Variants in ZFAND3 observed in about 807,000 individuals in gnomAD.
ZFAND3 encodes the protein zinc finger AN1-type containing 3, also known as AN1-type zinc finger protein 3.
Under a neutral mutation model 29.6 loss-of-function variants are expected in ZFAND3, and 10 were observed. That is an observed-to-expected ratio of 0.34 (90% CI 0.21 to 0.57). The LOEUF is 0.57. Among genes scored for constraint, ZFAND3 ranks in the 20% least tolerant of loss-of-function variants. The probability of loss-of-function intolerance (pLI) is 0.86; values close to 1 mark genes in which losing one functional copy is unlikely to be tolerated. For missense variants in ZFAND3, 230 were observed against 304.5 expected (o/e 0.76, Z 1.82); for synonymous variants, 128 against 112.6 (o/e 1.14, Z -0.87).
intron 5 of ZFAND3, among the ~76,000 whole-genome samples, chr6:38,140,038 G>A (rs975085360): frequency 6.6e-6 from 1 of 152,216 alleles, no homozygotes; most frequent in African/African-American, 2.4e-5. Context: ...CCAGGTTTGT[G>A]TCATGAGCCA....
intron 2 of ZFAND3, among the ~76,000 whole-genome samples, chr6:37,944,642 C>T (rs764133913): frequency 3.9e-5 from 6 of 152,158 alleles, no homozygotes; most frequent in Non-Finnish European, 7.3e-5. Flanking sequence ...GCGTATATCA[C>T]GTGGAGAAAG....
chr6:38,128,335 A>G (rs1017560589), intron 5 of ZFAND3, among the ~76,000 whole-genome samples: 1 of 152,184 alleles, frequency 6.6e-6, no homozygotes, highest in African/African-American at 2.4e-5. Flanking sequence ...CCCCTCTTTT[A>G]AAATTTTTAT....
chr6:38,082,434 C>A lies in ZFAND3; in HGVS notation c.338C>A (p.Pro113Gln). 1 of 1,611,980 alleles carries A rather than the reference C, an allele frequency of 6.2e-7. No individual in the cohort carries two copies. Among genetic ancestry groups the A allele is most frequent in the Non-Finnish European group, 8.5e-7 (1 of 1,178,814 alleles). ...TDTAHVSLIT[P>Q]TKRSCGTDSQ... Reference sequence around the variant, plus strand: ...ACAGCTCATGTCTCATTAATCACACCAACAAAAAGATCCTGTGGTACAGGT... The same window carrying A: ...ACAGCTCATGTCTCATTAATCACACAAACAAAAAGATCCTGTGGTACAGGT... The change falls in exon 4 of 6, where the codon CCA becomes CAA. Residue 113 changes from proline (P) to glutamine (Q), a missense_variant. Pro to Gln is a moderately conservative substitution (Grantham distance 76). This residue lies in a region of ZFAND3 where 180 missense variants were observed against 202.5 expected (regional missense o/e 0.89). Transcript: ENST00000287218.
At chr6:37,888,422 C>T (rs1194872911) in intron 1 of ZFAND3, among the ~76,000 whole-genome samples, 2 of 152,218 alleles carry the variant, frequency 1.3e-5, no homozygotes, top group East Asian at 3.9e-4. Flanking sequence ...ATGGCATTAT[C>T]AATAGGAATA....
At chr6:37,826,570 A>G (rs1402543195) in intron 1 of ZFAND3, among the ~76,000 whole-genome samples, 3 of 152,114 alleles carry the variant, frequency 2.0e-5, no homozygotes, top group Non-Finnish European at 2.9e-5. Flanking sequence ...CCTGAACAAC[A>G]TGGTGAAACT....
intron 1 of ZFAND3, among the ~76,000 whole-genome samples, chr6:37,831,298 T>C (rs1309795231): frequency 1.3e-5 from 2 of 152,194 alleles, no homozygotes; most frequent in Non-Finnish European, 2.9e-5. Context: ...TCTTACCTCA[T>C]ATGGGAAATT....
At chr6:37,916,287 T>C (rs940451336) in intron 1 of ZFAND3, among the ~76,000 whole-genome samples, 10 of 152,198 alleles carry the variant, frequency 6.6e-5, no homozygotes, top group African/African-American at 2.2e-4. Flanking sequence ...AAAGACTTGC[T>C]CAATGCAGGG....
intron 1 of ZFAND3, among the ~76,000 whole-genome samples, chr6:37,884,793 A>G (rs1174262968): frequency 6.6e-6 from 1 of 152,086 alleles, no homozygotes; most frequent in Non-Finnish European, 1.5e-5. Flanking sequence ...TTATCAGTGG[A>G]TTCCTCAAGT....
intron 2 of ZFAND3, among the ~76,000 whole-genome samples, chr6:38,022,688 T>C (rs1763373538): frequency 6.6e-6 from 1 of 152,250 alleles, no homozygotes; most frequent in Non-Finnish European, 1.5e-5. Flanking sequence ...CAGACTTGAT[T>C]TTGTTTGAGT....
chr6:38,100,932 A>C (rs1385832204), intron 4 of ZFAND3, among the ~76,000 whole-genome samples: 1 of 152,246 alleles, frequency 6.6e-6, no homozygotes, highest in Non-Finnish European at 1.5e-5. Context: ...AATCGCAGAC[A>C]TGACACCCTT....
intron 2 of ZFAND3, among the ~76,000 whole-genome samples, chr6:37,959,107 A>G (rs995021120): frequency 2.6e-5 from 4 of 152,206 alleles, no homozygotes; most frequent in Non-Finnish European, 4.4e-5. Context: ...GAGGTGTGGT[A>G]TTCTCGGCAG....
At chr6:38,098,233 G>A (rs1178375781) in intron 4 of ZFAND3, among the ~76,000 whole-genome samples, 3 of 152,022 alleles carry the variant, frequency 2.0e-5, no homozygotes, top group Admixed American at 2.0e-4. Flanking sequence ...TGCAATCCCT[G>A]CCTCTTGGGT....
intron 2 of ZFAND3, among the ~76,000 whole-genome samples, chr6:37,985,527 A>ACACACACACCCC (rs753070737): frequency 1.8e-4 from 26 of 141,760 alleles, no homozygotes; most frequent in Non-Finnish European, 3.2e-4. Context: ...ACACACACAC[A>ACACACACACCCC]CCCCCACACA....
chr6:38,103,482 C>CGTGTATATAT (rs770822839), intron 4 of ZFAND3, among the ~76,000 whole-genome samples: 3 of 24,414 alleles, frequency 1.2e-4, no homozygotes, highest in Non-Finnish European at 2.3e-4. Flanking sequence ...TATATATACA[C>CGTGTATATAT]ACATATATAC....
At chr6:37,868,196 G>GCATCTTTT (rs1370252444) in intron 1 of ZFAND3, among the ~76,000 whole-genome samples, 1 of 152,158 alleles carries the variant, frequency 6.6e-6, no homozygotes, top group African/African-American at 2.4e-5. Context: ...ATGATGATAT[G>GCATCTTTT]GTTTTTCTTC....
chr6:37,829,878 A>G (rs936164479), intron 1 of ZFAND3, among the ~76,000 whole-genome samples: 4 of 152,198 alleles, frequency 2.6e-5, no homozygotes, highest in Non-Finnish European at 5.9e-5. Context: ...GACAGATAAA[A>G]TCTTGAGTGA....
intron 2 of ZFAND3, among the ~76,000 whole-genome samples, chr6:38,040,152 C>T (rs925957829): frequency 1.3e-5 from 2 of 152,010 alleles, no homozygotes; most frequent in African/African-American, 4.8e-5. Flanking sequence ...ATGTAGATAC[C>T]TGCCTCAGCT....
At chr6:38,047,585 C>T (rs1763929608) in intron 2 of ZFAND3, among the ~76,000 whole-genome samples, 1 of 152,192 alleles carries the variant, frequency 6.6e-6, no homozygotes, top group African/African-American at 2.4e-5. Context: ...GTGTGAGGCT[C>T]ATACTTCCCT....
At chr6:37,822,642 G>A (rs1373223502) in intron 1 of ZFAND3, among the ~76,000 whole-genome samples, 1 of 152,212 alleles carries the variant, frequency 6.6e-6, no homozygotes, top group Non-Finnish European at 1.5e-5. Context: ...TTGTACAGGT[G>A]CTCTAGGGGA....
Sources: gnomAD v4.1 joint callset for allele counts (sites outside exome capture counted in the v4.1 genomes callset) on GRCh38, gnomAD v4.1.1 for gene constraint, gnomAD v4.1.1 regional missense constraint, MANE v1.5 for transcripts, NCBI Gene and HGNC (gene_info 2026-07-23, HGNC 2026-07-21) for gene names.